ZNF420: variants seen among roughly 807,000 people sequenced by gnomAD.
The protein encoded by ZNF420 is zinc finger protein 420, also known as ATM and p53-associated KZNF protein.
Under a neutral mutation model 44.7 loss-of-function variants are expected in ZNF420, and 31 were observed. The ratio of observed to expected loss-of-function variants is 0.69; its 90% CI spans 0.52 to 0.94. The LOEUF is 0.94. ZNF420 is among the 40% of genes least tolerant of loss of function. The probability of loss-of-function intolerance (pLI) is 0.00; values close to 1 mark genes in which losing one functional copy is unlikely to be tolerated. For missense variants in ZNF420, 681 were observed against 827.9 expected, an observed-to-expected ratio of 0.82 and a Z score of 2.18; for synonymous variants, 245 against 267.4, an observed-to-expected ratio of 0.92 and a Z score of 0.82.
At chr19:37,075,751 A>G, upstream of ZNF420, among the ~76,000 whole-genome samples, 1 of 151,760 alleles carries the variant, frequency 6.6e-6, no homozygotes, top group East Asian at 1.9e-4. Context: ...CAAAACAAAA[A>G]CAAAAACAAA....
At chr19:37,076,577 A>G (rs191041127), upstream of ZNF420, among the ~76,000 whole-genome samples, 6 of 152,120 alleles carry the variant, frequency 3.9e-5, no homozygotes, top group East Asian at 1.2e-3. Flanking sequence ...CCTGTGTCCA[A>G]GTGTTCTCAT....
intron 4 of ZNF420, among the ~76,000 whole-genome samples, chr19:37,110,866 T>C (rs577052725): frequency 6.6e-6 from 1 of 152,292 alleles, no homozygotes; most frequent in East Asian, 1.9e-4. Flanking sequence ...ATCCAAGTAG[T>C]CAATTTTAAA....
intron 1 of ZNF420, among the ~76,000 whole-genome samples, chr19:37,038,386 A>G (rs1217700223): frequency 6.6e-6 from 1 of 152,048 alleles, no homozygotes; most frequent in Non-Finnish European, 1.5e-5. Flanking sequence ...ATAAGATGAC[A>G]ATGTAGTTTG....
chr19:37,086,412 C>G (rs903629873), intron 2 of ZNF420, among the ~76,000 whole-genome samples: 7 of 152,152 alleles, frequency 4.6e-5, no homozygotes, highest in Non-Finnish European at 8.8e-5. Context: ...ATTCCAACAC[C>G]TTGCAGCTCA....
intron 1 of ZNF420, among the ~76,000 whole-genome samples, chr19:37,015,353 C>T (rs2074602009): frequency 6.6e-6 from 1 of 152,132 alleles, no homozygotes. Flanking sequence ...ATCATCTCCC[C>T]ACCCCGGGGA....
intron 4 of ZNF420, among the ~76,000 whole-genome samples, chr19:37,094,079 T>C (rs536908647): frequency 6.6e-5 from 10 of 152,308 alleles, no homozygotes; most frequent in African/African-American, 1.9e-4. Context: ...AATTAAATAA[T>C]AATTTCTAGG....
At chr19:37,070,222 C>T (rs1399291432) in intron 1 of ZNF420, among the ~76,000 whole-genome samples, 1 of 152,050 alleles carries the variant, frequency 6.6e-6, no homozygotes, top group Non-Finnish European at 1.5e-5. Flanking sequence ...GGTATATGCA[C>T]ACATACATAA....
chr19:37,087,866 A>G (rs917212905), intron 2 of ZNF420, among the ~76,000 whole-genome samples: 2 of 152,112 alleles, frequency 1.3e-5, no homozygotes, highest in Non-Finnish European at 2.9e-5. Flanking sequence ...AGGATGGTCT[A>G]GATCTCCTGA....
rs770790164 is a variant in ZNF420 at position 37,128,021 on chromosome 19, T to G, written c.1030T>G (p.Phe344Val). The G allele has an allele frequency of 2.5e-6, 4 of 1,613,832 alleles. No individual in the cohort carries two copies. The highest frequency in any genetic ancestry group is 3.4e-6 in the Non-Finnish European group (4 of 1,179,932). ...PYECKECGRA[F>V]IRGSLLMQHQ... The stretch of plus-strand genomic sequence containing the variant: ...TGAATGTAAGGAATGTGGAAGGGCC[T>G]TTATTCGGGGCTCACTACTGATGCA... Residue 344 changes from phenylalanine (F) to valine (V), a missense_variant, in exon 5 of 5, where the codon TTT becomes GTT. Around this residue, in one of 3 missense-constraint regions of ZNF420, gnomAD observed 51 missense variants for 106.8 expected, o/e 0.48. Coordinates refer to ENST00000337995, the MANE Select transcript of ZNF420 (RefSeq NM_144689.5).
chr19:37,113,633 A>T (rs1301672502), intron 4 of ZNF420, among the ~76,000 whole-genome samples: 11 of 152,098 alleles, frequency 7.2e-5, no homozygotes, highest in African/African-American at 2.2e-4. Flanking sequence ...GCCTTGTCTT[A>T]TTGTATTGAA....
intron 1 of ZNF420, among the ~76,000 whole-genome samples, chr19:37,070,264 A>G (rs1968035443): frequency 6.6e-6 from 1 of 152,142 alleles, no homozygotes; most frequent in South Asian, 2.1e-4. Flanking sequence ...TTAACTTACT[A>G]CAGAGATGAA....
chr19:37,108,637 T>C (rs1456735990), intron 4 of ZNF420, among the ~76,000 whole-genome samples: 1 of 152,230 alleles, frequency 6.6e-6, no homozygotes, highest in Non-Finnish European at 1.5e-5. Flanking sequence ...GCCTCCATAA[T>C]TCTGGATGTT....
intron 4 of ZNF420, among the ~76,000 whole-genome samples, chr19:37,118,707 G>A (rs1405770516): frequency 2.0e-5 from 3 of 151,764 alleles, no homozygotes; most frequent in Non-Finnish European, 2.9e-5. Context: ...CCATCAGTGT[G>A]CTGTATTCAG....
chr19:37,098,034 G>A (rs1335771687), intron 4 of ZNF420, among the ~76,000 whole-genome samples: 1 of 152,000 alleles, frequency 6.6e-6, no homozygotes, highest in Non-Finnish European at 1.5e-5. Flanking sequence ...GCAGTGGCCT[G>A]ATCACAGCTC....
At chr19:37,113,311 C>T (rs1970483550) in intron 4 of ZNF420, among the ~76,000 whole-genome samples, 1 of 152,046 alleles carries the variant, frequency 6.6e-6, no homozygotes. Context: ...CCAATTTGTC[C>T]ACAATTATAA....
intron 4 of ZNF420, among the ~76,000 whole-genome samples, chr19:37,093,748 C>T (rs4254428): frequency 0.52 from 79,675 of 152,010 alleles, 21,625 homozygotes; most frequent in African/African-American, 0.63. Flanking sequence ...TTATATGAAA[C>T]GTCCTCAATA....
At position 37,129,137 on chromosome 19, in the gene ZNF420, G is replaced by A. The variant is rs2145368064; in HGVS notation, c.*79G>A. 2 of 1,495,064 alleles carry A rather than the reference G, an allele frequency of 1.3e-6. No homozygotes were observed. The highest frequency in any genetic ancestry group is 4.6e-5 in the East Asian group (2 of 43,954). The allele number at this position is 1,495,064 out of a possible 1,614,324, so 92.6% of individuals were successfully genotyped here. On this transcript the variant is annotated 3_prime_UTR_variant, in exon 5 of 5. Transcript: ENST00000337995. ...AAGAATTCTCACAAATGTGAATATG[G>A]GCGCACATTTGCCTCATAAAGCACA...
At chr19:37,087,623 G>A (rs1968892114) in intron 2 of ZNF420, among the ~76,000 whole-genome samples, 1 of 152,084 alleles carries the variant, frequency 6.6e-6, no homozygotes, top group African/African-American at 2.4e-5. Context: ...AAAGTAAGTG[G>A]GTTGAGGGTA....
intron 4 of ZNF420, among the ~76,000 whole-genome samples, chr19:37,101,641 A>G (rs1246034102): frequency 8.5e-5 from 13 of 152,256 alleles, no homozygotes; most frequent in African/African-American, 3.1e-4. Context: ...TCTCAGCATT[A>G]AAGGGCATTA....
Sources: allele counts gnomAD v4.1 joint callset (sites outside exome capture counted in the v4.1 genomes callset), GRCh38; gene constraint gnomAD v4.1.1; regional missense constraint gnomAD v4.1.1; transcripts MANE v1.5; gene names NCBI Gene and HGNC (gene_info 2026-07-23, HGNC 2026-07-21).